Variants in PWWP2B observed in about 807,000 individuals in gnomAD.
The protein encoded by PWWP2B is PWWP domain-containing protein 2B.
In PWWP2B, 9 loss-of-function variants were observed where a neutral mutation model predicts 15.5. The ratio of observed to expected loss-of-function variants is 0.58; its 90% CI spans 0.35 to 1.02. PWWP2B has a LOEUF of 1.02. Among genes scored for constraint, PWWP2B ranks in the 50% least tolerant of loss-of-function variants. The pLI is 0.02. For missense variants in PWWP2B, 864 were observed against 865.3 expected (o/e 1.00, Z 0.02); for synonymous variants, 474 against 403.6 (o/e 1.17, Z -2.09).
chr10:132,415,375 T>G (rs1379291318), intron 2 of PWWP2B, among the ~76,000 whole-genome samples: 1 of 128,634 alleles, frequency 7.8e-6, no homozygotes, highest in Non-Finnish European at 1.6e-5. Flanking sequence ...GTCACACACG[T>G]CACTCACACT....
At position 132,404,800 on chromosome 10, in the gene PWWP2B, G is replaced by GCCCCCCCC; in HGVS notation, c.302_303insCCCCCCCC (p.Pro104HisfsTer85). On this transcript the variant is annotated frameshift_variant, in exon 2 of 3. Transcript: ENST00000305233. LOFTEE classifies it high-confidence loss of function. ...AGCCCCCCGAGACCACCCGCCCCGA[G>GCCCCCCCC]CCACCCCCGCCCCTCGTGCCGCCGC... The GCCCCCCCC allele has an allele frequency of 1.5e-6, 2 of 1,356,834 alleles. No individual in the cohort carries two copies. Among genetic ancestry groups the GCCCCCCCC allele is most frequent in the Non-Finnish European group, 2.0e-6 (2 of 995,772 alleles). The allele number at this position is 1,356,834 out of a possible 1,614,324, so 84.0% of individuals were successfully genotyped here.
intron 2 of PWWP2B, among the ~76,000 whole-genome samples, chr10:132,412,495 C>T (rs1306147028): frequency 2.6e-5 from 4 of 152,170 alleles, no homozygotes; most frequent in South Asian, 4.1e-4. Context: ...AGCTCCTGCC[C>T]GGCAGGAGGC....
intron 2 of PWWP2B, 102 bp downstream of exon 2, chr10:132,406,391 G>T: frequency 9.7e-7 from 1 of 1,035,480 alleles, no homozygotes; most frequent in Non-Finnish European, 1.4e-6. Context: ...GGGAGCCGCC[G>T]CCTGTGCCCC....
chr10:132,416,674 G>A (rs898586434), intron 2 of PWWP2B, among the ~76,000 whole-genome samples: 3 of 152,170 alleles, frequency 2.0e-5, no homozygotes. Flanking sequence ...GGGGCCGTCA[G>A]TGCGAGGCGA....
chr10:132,400,088 T>C (rs2069596061), intron 1 of PWWP2B, among the ~76,000 whole-genome samples: 1 of 152,230 alleles, frequency 6.6e-6, no homozygotes, highest in South Asian at 2.1e-4. Flanking sequence ...TGGGCTCACC[T>C]GTCCAGGTGG....
chr10:132,403,984 T>TGCTCCCGTAGGACGGCATTCTCCAGG (rs1427496721), intron 1 of PWWP2B, among the ~76,000 whole-genome samples: 6 of 138,542 alleles, frequency 4.3e-5, no homozygotes, highest in Admixed American at 3.9e-4. Context: ...CCTGGAACCC[T>TGCTCCCGTAGGACGGCATTCTCCAGG]GCTCCCGTAG....
At position 132,403,839 on chromosome 10, in the gene PWWP2B, C is replaced by A. The variant is rs929465240; in HGVS notation, c.126-787C>A. 1.7e-4 allele frequency among the ~76,000 whole-genome samples: 20 copies of A among 120,030 alleles called. No homozygotes were observed. The Admixed American group carries it at 1.9e-3, about 11-fold the overall frequency. 78.7% of individuals were successfully genotyped at this position (120,030 alleles called of 152,430 possible). A position where few individuals can be genotyped will look rare whatever the true frequency, so the allele number is the denominator to read the frequency against. ...TTCCCCTGCAGCTCGTGTGGCCCAG[C>A]AGGGCAGGACCTGAGGGTGCCAGGT... is the stretch of plus-strand genomic sequence containing the variant. On this transcript the variant is annotated intron_variant, in intron 1 of 2. Coordinates refer to ENST00000305233, the MANE Select transcript of PWWP2B (RefSeq NM_138499.4).
At position 132,404,800 on chromosome 10, in the gene PWWP2B, G is replaced by GCC; in HGVS notation, c.301_302dup (p.Pro102HisfsTer85). On this transcript the variant is annotated frameshift_variant, in exon 2 of 3. Transcript: ENST00000305233. LOFTEE classifies it high-confidence loss of function. ...AGCCCCCCGAGACCACCCGCCCCGA[G>GCC]CCACCCCCGCCCCTCGTGCCGCCGC... is the stretch of plus-strand genomic sequence containing the variant. The GCC allele has an allele frequency of 1.5e-6, 2 of 1,356,868 alleles. No individual in the cohort carries two copies. The highest frequency in any genetic ancestry group is 2.0e-6 in the Non-Finnish European group (2 of 995,796). The allele number at this position is 1,356,868 out of a possible 1,614,324, so 84.1% of individuals were successfully genotyped here.
rs200265938 is a variant in PWWP2B, at chr10:132,405,597, C to G, written c.1097C>G (p.Pro366Arg). 1.9e-6 allele frequency: 3 copies of G among 1,610,690 alleles called. No homozygotes were observed. Among genetic ancestry groups the G allele is most frequent in the Middle Eastern group, 1.6e-4 (1 of 6,084 alleles). The part of the protein sequence containing the change: ...ELNGYLRDSS[P>R]APCADGPAGG... The stretch of plus-strand genomic sequence containing the variant: ...AACGGGTACCTGCGGGACAGCTCGC[C>G]GGCGCCCTGTGCGGACGGCCCTGCC... Residue 366 changes from proline (P) to arginine (R), a missense_variant, in exon 2 of 3, where the codon CCG becomes CGG. Pro to Arg is a moderately radical substitution (Grantham distance 103, BLOSUM62 -2). Coordinates refer to ENST00000305233, the MANE Select transcript of PWWP2B (RefSeq NM_138499.4).
chr10:132,414,470 C>G (rs1311818798), intron 2 of PWWP2B, among the ~76,000 whole-genome samples: 6 of 152,180 alleles, frequency 3.9e-5, no homozygotes, highest in Non-Finnish European at 8.8e-5. Context: ...GCCACAGCAC[C>G]AGCTGTGGCC....
intron 1 of PWWP2B, among the ~76,000 whole-genome samples, chr10:132,398,694 C>T (rs953557241): frequency 3.3e-5 from 5 of 152,252 alleles, no homozygotes; most frequent in African/African-American, 1.2e-4. Context: ...ACACCACCGC[C>T]TCCCCTTCAT....
chr10:132,415,234 TCACA>T (rs902585159), intron 2 of PWWP2B, among the ~76,000 whole-genome samples: 1 of 143,826 alleles, frequency 7.0e-6, no homozygotes. Context: ...CCACTCACAC[TCACA>T]CACATCCACT....
At position 132,405,307 on chromosome 10, in the gene PWWP2B, C is replaced by A; in HGVS notation, c.807C>A (p.Ile269=). ...TPQGKGEVVK[I]PSRVHGSLEP... is the part of the protein sequence containing the mutation. ...AGGGCAAGGGAGAGGTGGTCAAGATCCCCTCCCGCGTGCACGGCTCTCTGG... is the reference window on the plus strand; with the variant it reads ...AGGGCAAGGGAGAGGTGGTCAAGATACCCTCCCGCGTGCACGGCTCTCTGG... The change falls in exon 2 of 3, where the codon ATC becomes ATA. Residue 269 remains isoleucine (I), a synonymous_variant. Coordinates refer to ENST00000305233, the MANE Select transcript of PWWP2B (RefSeq NM_138499.4). 5.6e-6 allele frequency: 9 copies of A among 1,612,222 alleles called. No homozygotes were observed. The highest frequency in any genetic ancestry group is 1.1e-5 in the South Asian group (1 of 91,074).
Position 132,397,337 on chromosome 10 carries a change from G to A in PWWP2B, c.111G>A (p.Leu37=), listed in dbSNP as rs774165126. ...CGERSFAGIL[L]DCTKKSGLFG... ...AGCGGAGCTTCGCGGGGATCCTGCT[G>A]GACTGCACGAAAAAGTGAGCGGGGG... The change falls in exon 1 of 3, where the codon CTG becomes CTA. Residue 37 remains leucine, a synonymous_variant. Coordinates refer to ENST00000305233, the MANE Select transcript of PWWP2B (RefSeq NM_138499.4). The A allele has an allele frequency of 1.4e-6, 2 of 1,383,014 alleles. No individual in the cohort carries two copies. The highest frequency in any genetic ancestry group is 5.3e-5 in the Admixed American group (2 of 38,084). The allele number at this position is 1,383,014 out of a possible 1,614,324, so 85.7% of individuals were successfully genotyped here. A position where few individuals can be genotyped will look rare whatever the true frequency, so the allele number is the denominator to read the frequency against.
intron 1 of PWWP2B, among the ~76,000 whole-genome samples, chr10:132,397,554 C>T (rs1166909293): frequency 6.7e-6 from 1 of 148,974 alleles, no homozygotes; most frequent in Non-Finnish European, 1.5e-5. Context: ...GTCGTCGCGA[C>T]TTTTCGGGGC....
intron 2 of PWWP2B, among the ~76,000 whole-genome samples, chr10:132,413,099 T>C (rs1023637565): frequency 6.6e-6 from 1 of 152,228 alleles, no homozygotes; most frequent in African/African-American, 2.4e-5. Flanking sequence ...CTTCCTGCTT[T>C]CTGCCCCTCG....
intron 1 of PWWP2B, among the ~76,000 whole-genome samples, chr10:132,398,729 C>A (rs1296625485): frequency 1.3e-5 from 2 of 152,228 alleles, no homozygotes; most frequent in African/African-American, 4.8e-5. Flanking sequence ...CCGATGGGAC[C>A]CCCGGCGTGG....
intron 2 of PWWP2B, among the ~76,000 whole-genome samples, chr10:132,414,732 C>A (rs556720622): frequency 1.3e-5 from 2 of 152,332 alleles, no homozygotes; most frequent in East Asian, 3.9e-4. Flanking sequence ...CGGCTCTAAT[C>A]CTCGCAAACA....
chr10:132,407,385 C>T (rs1231999919), intron 2 of PWWP2B, among the ~76,000 whole-genome samples: 2 of 152,174 alleles, frequency 1.3e-5, no homozygotes, highest in Admixed American at 6.5e-5. Context: ...GGCAGGGCTC[C>T]GCCTAGGCCT....
Sources: gnomAD v4.1 joint callset for allele counts (sites outside exome capture counted in the v4.1 genomes callset) on GRCh38, gnomAD v4.1.1 for gene constraint, MANE v1.5 for transcripts, NCBI Gene and HGNC (gene_info 2026-07-23, HGNC 2026-07-21) for gene names.